SRRM4: variants seen among roughly 807,000 people sequenced by gnomAD.
SRRM4 encodes serine/arginine repetitive matrix 4.
SRRM4 carries 33 observed loss-of-function variants against 68.9 expected under a neutral mutation model. The ratio of observed to expected loss-of-function variants is 0.48; its 90% CI spans 0.36 to 0.64. The LOEUF (loss-of-function observed/expected upper bound fraction) is 0.64, where lower values mean the gene tolerates loss of function less well. Among genes scored for constraint, SRRM4 ranks in the 30% least tolerant of loss-of-function variants. The pLI is 0.00. For missense variants in SRRM4, 817 were observed against 827.1 expected (o/e 0.99, Z 0.15); for synonymous variants, 318 against 318.8 (o/e 1.00, Z 0.03).
chr12:119,067,273 CA>C (rs1484451784), intron 1 of SRRM4, among the ~76,000 whole-genome samples: 1 of 152,136 alleles, frequency 6.6e-6, no homozygotes, highest in East Asian at 1.9e-4. Flanking sequence ...ATGTCTGACA[CA>C]AAGTAAGTGC....
intron 11 of SRRM4, 115 bp downstream of exon 11, chr12:119,153,764 T>A (rs2052287288): frequency 1.4e-6 from 1 of 713,266 alleles, no homozygotes; most frequent in Non-Finnish European, 2.4e-6. Flanking sequence ...GGTCTGACCC[T>A]GACTCAGCAT....
intron 2 of SRRM4, among the ~76,000 whole-genome samples, chr12:119,111,769 C>G (rs4283045): frequency 6.6e-6 from 1 of 152,122 alleles, no homozygotes; most frequent in Non-Finnish European, 1.5e-5. Context: ...GGTGGCCGGG[C>G]ACCATGGCTC....
At chr12:119,112,279 T>A (rs1954149648) in intron 2 of SRRM4, among the ~76,000 whole-genome samples, 1 of 152,036 alleles carries the variant, frequency 6.6e-6, no homozygotes, top group Non-Finnish European at 1.5e-5. Context: ...AGAATGGCAA[T>A]TATTAAAAAG....
intron 1 of SRRM4, chr12:118,992,385 T>C (rs1390073641): frequency 6.6e-6 from 1 of 152,214 alleles, no homozygotes; most frequent in Non-Finnish European, 1.5e-5. Context: ...CTCGTCTGGG[T>C]ATCCTGACAA....
intron 1 of SRRM4, among the ~76,000 whole-genome samples, chr12:119,057,052 C>T (rs367765688): frequency 2.6e-4 from 39 of 152,272 alleles, no homozygotes; most frequent in African/African-American, 7.9e-4. Flanking sequence ...CACAGAATAT[C>T]CAGGGATTTT....
At position 119,158,999 on chromosome 12, in the gene SRRM4, G is replaced by A. The variant is rs1426569638; in HGVS notation, c.*2201G>A. 4.6e-5 allele frequency: 7 copies of A among 151,708 alleles called. No homozygotes were observed. In the East Asian group the frequency reaches 1.4e-3, roughly 29 times the overall value. 9.4% of individuals were successfully genotyped at this position (151,708 alleles called of 1,614,324 possible). On this transcript the variant is annotated 3_prime_UTR_variant, in exon 13 of 13. Coordinates refer to ENST00000267260, the MANE Select transcript of SRRM4 (RefSeq NM_194286.4). ...TGTGTGTGTGTGTGTGTGTGTGTGT[G>A]TGTGTGTGTGTGTGTGTGTTGGGGG...
chr12:119,135,211 C>T (rs1954320727), intron 8 of SRRM4, among the ~76,000 whole-genome samples: 2 of 152,080 alleles, frequency 1.3e-5, no homozygotes, highest in Admixed American at 6.5e-5. Flanking sequence ...TGGAGAGGCT[C>T]ATGGCTCCAA....
intron 1 of SRRM4, among the ~76,000 whole-genome samples, chr12:119,016,114 G>C (rs1953479404): frequency 1.3e-5 from 2 of 152,196 alleles, no homozygotes; most frequent in African/African-American, 4.8e-5. Flanking sequence ...TGAAGGCAGA[G>C]GTTGGAATGA....
chr12:118,986,939 TG>T (rs1365540207), intron 1 of SRRM4, among the ~76,000 whole-genome samples: 1 of 151,842 alleles, frequency 6.6e-6, no homozygotes, highest in Non-Finnish European at 1.5e-5. Context: ...TTTTTCAGAG[TG>T]GCTGGATTTA....
chr12:119,010,976 A>G (rs1366272996), intron 1 of SRRM4, among the ~76,000 whole-genome samples: 1 of 152,230 alleles, frequency 6.6e-6, no homozygotes, highest in Non-Finnish European at 1.5e-5. Flanking sequence ...AGGAAAAAGC[A>G]TCTATCTATG....
In SRRM4 at chr12:119,102,395, G is replaced by A. The variant is rs1954083085; in HGVS notation, c.278+13G>A. On this transcript the variant is annotated intron_variant, in intron 2 of 12. Coordinates refer to ENST00000267260, the MANE Select transcript of SRRM4 (RefSeq NM_194286.4). ...CCAGAGGACACAGGTGAGATCCAAT[G>A]AGGACGTTCAAGTTGAAGATACAGA... 1 of 1,598,738 alleles carries A rather than the reference G, an allele frequency of 6.3e-7. No individual in the cohort carries two copies. Among genetic ancestry groups the A allele is most frequent in the African/African-American group, 1.3e-5 (1 of 74,458 alleles).
At chr12:119,009,566 T>A (rs375162044) in intron 1 of SRRM4, among the ~76,000 whole-genome samples, 5 of 152,336 alleles carry the variant, frequency 3.3e-5, no homozygotes, top group South Asian at 4.1e-4. Context: ...GGGTCTAATT[T>A]AGTTTTGCTT....
Position 119,160,825 on chromosome 12 carries a change from C to T in SRRM4, c.*4027C>T, listed in dbSNP as rs528898402. The stretch of plus-strand genomic sequence containing the variant: ...AGGTTGTCCATCATGAAAGTAAAAA[C>T]GAAAAGCAAGATTTGATCTCCCTTC... On this transcript the variant is annotated 3_prime_UTR_variant, in exon 13 of 13. Coordinates refer to ENST00000267260, the MANE Select transcript of SRRM4 (RefSeq NM_194286.4). The T allele has an allele frequency of 1.3e-5, 2 of 152,292 alleles. No individual in the cohort carries two copies. Among genetic ancestry groups the T allele is most frequent in the South Asian group, 4.2e-4 (2 of 4,818 alleles). 9.4% of individuals were successfully genotyped at this position (152,292 alleles called of 1,614,324 possible).
chr12:119,058,504 A>T lies in SRRM4; in HGVS notation c.132-43732A>T, dbSNP rs1384763282. Among the ~76,000 whole-genome samples, 4 of 152,220 alleles carry T rather than the reference A, an allele frequency of 2.6e-5. 1 individual carries two copies. The East Asian group carries it at 7.7e-4, about 29-fold the overall frequency. On this transcript the variant is annotated intron_variant, in intron 1 of 12. Coordinates refer to ENST00000267260, the MANE Select transcript of SRRM4 (RefSeq NM_194286.4). ...ATTTTACTCAGCCCAAAAGTGGCAA[A>T]GCTGGAAATGGAATTTAGGTACTTT...
intron 1 of SRRM4, among the ~76,000 whole-genome samples, chr12:119,087,334 C>A (rs1350330007): frequency 6.6e-6 from 1 of 152,114 alleles, no homozygotes; most frequent in East Asian, 1.9e-4. Context: ...TAAAATCCAA[C>A]CATAGAGATA....
chr12:119,080,339 T>C (rs1237473517), intron 1 of SRRM4, among the ~76,000 whole-genome samples: 1 of 119,904 alleles, frequency 8.3e-6, no homozygotes, highest in African/African-American at 2.9e-5. Context: ...TTATGTATAA[T>C]ATAATTATAT....
intron 12 of SRRM4, among the ~76,000 whole-genome samples, chr12:119,155,990 C>G (rs1954468906): frequency 6.6e-6 from 1 of 152,138 alleles, no homozygotes; most frequent in African/African-American, 2.4e-5. Context: ...CAGTGTTTCC[C>G]AATCTTTAGT....
chr12:119,052,887 C>T (rs991053869), intron 1 of SRRM4, among the ~76,000 whole-genome samples: 2 of 152,212 alleles, frequency 1.3e-5, no homozygotes, highest in South Asian at 4.2e-4. Context: ...AAAGGAAGGT[C>T]CTTCGGTAAT....
At chr12:118,995,553 TG>T (rs1041040951) in intron 1 of SRRM4, among the ~76,000 whole-genome samples, 5 of 152,202 alleles carry the variant, frequency 3.3e-5, no homozygotes, top group Non-Finnish European at 7.3e-5. Context: ...AGTTCTATTT[TG>T]GGACTTGCCA....
Sources: allele counts gnomAD v4.1 joint callset (sites outside exome capture counted in the v4.1 genomes callset), GRCh38; gene constraint gnomAD v4.1.1; transcripts MANE v1.5; gene names NCBI Gene and HGNC (gene_info 2026-07-23, HGNC 2026-07-21).